Variants in FYB1 observed in about 807,000 individuals in gnomAD.
FYB1 encodes the protein FYN binding protein 1, also known as FYN-binding protein 1.
A neutral mutation model predicts 94.1 loss-of-function variants in FYB1; 41 were observed. The observed-to-expected ratio is 0.44, with a 90% confidence interval of 0.34 to 0.57. The LOEUF (loss-of-function observed/expected upper bound fraction) is 0.57, where lower values mean the gene tolerates loss of function less well. Ranked by LOEUF, FYB1 falls within the 20% of genes least tolerant of loss-of-function variation. The pLI is 0.02. For synonymous variants in FYB1, 367 were observed against 353.2 expected (o/e 1.04, Z -0.44); for missense variants, 1,050 against 976.8 (o/e 1.07, Z -1.00).
chr5:39,119,644 C>A lies in FYB1; in HGVS notation c.2139-10G>T. The A allele has an allele frequency of 6.6e-7, 1 of 1,507,130 alleles. No homozygotes were observed. Among genetic ancestry groups the A allele is most frequent in the Non-Finnish European group, 8.9e-7 (1 of 1,128,838 alleles). The allele number at this position is 1,507,130 out of a possible 1,614,324, so 93.4% of individuals were successfully genotyped here. ...AACATTAGTTCCTTGACTAGAACGG[C>A]AGAACACACATAAAACAACACTTTG... On this transcript the variant is annotated splice_polypyrimidine_tract_variant and intron_variant, in intron 14 of 18. Coordinates refer to ENST00000512982, the MANE Select transcript of FYB1 (RefSeq NM_001465.6).
rs761645401 is a variant in FYB1, at chr5:39,134,297, C to T, written c.1728G>A (p.Leu576=). The change falls in exon 9 of 19, where the codon CTG becomes CTA. Residue 576 remains leucine, a synonymous_variant. Transcript: ENST00000512982. ...AAGGGGCACCAAGAGAGTCTTTTTT[C>T]AGTTTCAAAGAATCATAGTCAATCT... ...AVEIDYDSLK[L]KKDSLGAPSR... 2 of 1,611,528 alleles carry T rather than the reference C, an allele frequency of 1.2e-6. No individual in the cohort carries two copies. The highest frequency in any genetic ancestry group is 1.7e-6 in the Non-Finnish European group (2 of 1,177,940).
At chr5:39,180,745 C>T (rs970105327) in intron 2 of FYB1, among the ~76,000 whole-genome samples, 1 of 152,164 alleles carries the variant, frequency 6.6e-6, no homozygotes, top group African/African-American at 2.4e-5. Context: ...GGGCAGAAGG[C>T]AACTTGAGAG....
chr5:39,124,835 A>G (rs913831567), intron 12 of FYB1, among the ~76,000 whole-genome samples: 9 of 151,862 alleles, frequency 5.9e-5, no homozygotes, highest in Non-Finnish European at 1.2e-4. Context: ...AGTGCTCTGA[A>G]ATCAGAATTA....
At chr5:39,270,479 G>A (rs1024968575) in intron 1 of FYB1, 61 of 1,275,642 alleles carry the variant, frequency 4.8e-5, no homozygotes, top group Non-Finnish European at 6.4e-5. Context: ...GGACCTGACT[G>A]TGAAGCACCC....
intron 2 of FYB1, among the ~76,000 whole-genome samples, chr5:39,166,927 A>C (rs1421041228): frequency 1.3e-5 from 2 of 152,078 alleles, no homozygotes; most frequent in Non-Finnish European, 2.9e-5. Flanking sequence ...ATGAAAAAAA[A>C]CCCCTGCACT....
chr5:39,166,960 T>TA (rs1744794339), intron 2 of FYB1, among the ~76,000 whole-genome samples: 1 of 151,720 alleles, frequency 6.6e-6, no homozygotes, highest in Non-Finnish European at 1.5e-5. Context: ...TTTATATAAA[T>TA]AAAAAAAGAA....
At chr5:39,161,535 TCTTAA>T (rs1309379217) in intron 2 of FYB1, among the ~76,000 whole-genome samples, 6 of 152,096 alleles carry the variant, frequency 3.9e-5, no homozygotes, top group Non-Finnish European at 7.4e-5. Context: ...TACTTTGCTT[TCTTAA>T]CTTAATTTTA....
At chr5:39,240,097 GTGCTGGGA>G (rs1429571881) in intron 1 of FYB1, among the ~76,000 whole-genome samples, 1 of 152,148 alleles carries the variant, frequency 6.6e-6, no homozygotes, top group African/African-American at 2.4e-5. Flanking sequence ...TTCATAAATG[GTGCTGGGA>G]TAACTTGCTA....
At chr5:39,152,131 C>T (rs952296920) in intron 3 of FYB1, among the ~76,000 whole-genome samples, 1 of 152,064 alleles carries the variant, frequency 6.6e-6, no homozygotes, top group African/African-American at 2.4e-5. Context: ...GGATTAGAGG[C>T]TTTAAACTGA....
intron 2 of FYB1, among the ~76,000 whole-genome samples, chr5:39,195,118 T>A (rs967160580): frequency 2.0e-5 from 3 of 152,194 alleles, no homozygotes; most frequent in Admixed American, 6.5e-5. Flanking sequence ...AATAGTCCAG[T>A]CTGTGAGCCG....
chr5:39,196,355 C>T (rs1278866453), intron 2 of FYB1, among the ~76,000 whole-genome samples: 1 of 151,762 alleles, frequency 6.6e-6, no homozygotes, highest in Non-Finnish European at 1.5e-5. Flanking sequence ...AGGTGCGCAC[C>T]ACTATGCCTG....
chr5:39,188,978 A>G (rs1396374287), intron 2 of FYB1, among the ~76,000 whole-genome samples: 3 of 152,198 alleles, frequency 2.0e-5, no homozygotes. Flanking sequence ...TAGAAGTTTA[A>G]GAACCTTTGA....
intron 1 of FYB1, among the ~76,000 whole-genome samples, chr5:39,261,316 AAAAG>A (rs1358819352): frequency 1.4e-5 from 2 of 143,668 alleles, no homozygotes; most frequent in African/African-American, 2.6e-5. Context: ...AAAAAAAAAA[AAAAG>A]AACGTGTGTA....
intron 1 of FYB1, among the ~76,000 whole-genome samples, chr5:39,216,437 G>A (rs1195175791): frequency 1.3e-5 from 2 of 152,054 alleles, no homozygotes; most frequent in East Asian, 3.9e-4. Context: ...TGGGATACAT[G>A]TGCGGGATGT....
At chr5:39,163,168 C>G (rs750833701) in intron 2 of FYB1, among the ~76,000 whole-genome samples, 69 of 152,282 alleles carry the variant, frequency 4.5e-4, no homozygotes, top group Admixed American at 2.0e-4. Flanking sequence ...TTTCCTTGCC[C>G]TAATTCAAAG....
intron 10 of FYB1, among the ~76,000 whole-genome samples, chr5:39,129,671 A>G (rs1029182919): frequency 2.6e-5 from 4 of 152,114 alleles, no homozygotes; most frequent in Admixed American, 6.6e-5. Context: ...CATTTCTTAG[A>G]AGAAGACATA....
At position 39,257,271 on chromosome 5, in the gene FYB1, T is replaced by C. The variant is rs188206420; in HGVS notation, c.-28+17132A>G. Among the ~76,000 whole-genome samples the C allele has an allele frequency of 4.5e-3, 688 of 152,302 alleles. 3 individuals carry two copies. The highest frequency in any genetic ancestry group is 6.9e-3 in the Non-Finnish European group (466 of 68,020). On this transcript the variant is annotated intron_variant, in intron 1 of 1. Coordinates refer to the FYB1 transcript ENST00000510188. Reference sequence around the variant, plus strand: ...AAAAGTTAATTTTTACCAATGTTTTTAAACAGCATATAACAGTTTTTGGGA... The same window carrying C: ...AAAAGTTAATTTTTACCAATGTTTTCAAACAGCATATAACAGTTTTTGGGA...
intron 1 of FYB1, among the ~76,000 whole-genome samples, chr5:39,252,737 G>T (rs752325420): frequency 6.6e-6 from 1 of 152,168 alleles, no homozygotes; most frequent in Non-Finnish European, 1.5e-5. Context: ...AGAACTAGGA[G>T]AGTGGAATAG....
intron 8 of FYB1, 26 bp from the exon 9 acceptor site, chr5:39,134,375 T>C: frequency 2.6e-6 from 4 of 1,553,568 alleles, no homozygotes; most frequent in Non-Finnish European, 3.5e-6. Context: ...ATATTTATGT[T>C]CAGGCAACTG....
Sources: gnomAD v4.1 joint callset for allele counts (sites outside exome capture counted in the v4.1 genomes callset) on GRCh38, gnomAD v4.1.1 for gene constraint, MANE v1.5 for transcripts, NCBI Gene and HGNC (gene_info 2026-07-23, HGNC 2026-07-21) for gene names.